The following ZFR variants were observed in gnomAD, a reference collection of about 807,000 sequenced individuals.
ZFR encodes the protein zinc finger RNA binding protein.
Under a neutral mutation model 130.7 loss-of-function variants are expected in ZFR, and 19 were observed. The observed-to-expected ratio is 0.15, with a 90% CI of 0.10 to 0.21. The LOEUF (loss-of-function observed/expected upper bound fraction) is 0.21. ZFR is among the 10% of genes least tolerant of loss of function. The probability of loss-of-function intolerance (pLI) is 1.00; values close to 1 mark genes in which losing one functional copy is unlikely to be tolerated. For synonymous variants in ZFR, 466 were observed against 456.9 expected, an observed-to-expected ratio of 1.02 and a Z score of -0.25; for missense variants, 872 against 1,321.5, an observed-to-expected ratio of 0.66 and a Z score of 5.27.
intron 14 of ZFR, among the ~76,000 whole-genome samples, chr5:32,386,026 T>G (rs1215344776): frequency 6.6e-6 from 1 of 152,132 alleles, no homozygotes; most frequent in Non-Finnish European, 1.5e-5. Context: ...TCCCATATTG[T>G]ACATTTTCTG....
chr5:32,377,686 T>C (rs1399242695), intron 17 of ZFR, among the ~76,000 whole-genome samples: 1 of 151,846 alleles, frequency 6.6e-6, no homozygotes, highest in East Asian at 1.9e-4. Context: ...AAAAATTAGA[T>C]AGCATATATA....
At chr5:32,433,320 T>G (rs758466841) in intron 2 of ZFR, among the ~76,000 whole-genome samples, 2 of 152,186 alleles carry the variant, frequency 1.3e-5, no homozygotes, top group Non-Finnish European at 2.9e-5. Context: ...AGAATTACAG[T>G]AATTAAAAAA....
chr5:32,366,172 G>C (rs1000880815), intron 17 of ZFR, among the ~76,000 whole-genome samples: 9 of 152,120 alleles, frequency 5.9e-5, no homozygotes, highest in African/African-American at 2.2e-4. Context: ...GAATAATCCT[G>C]ACAATTCAGT....
At chr5:32,413,738 A>T (rs1426782105) in intron 5 of ZFR, among the ~76,000 whole-genome samples, 1 of 152,232 alleles carries the variant, frequency 6.6e-6, no homozygotes, top group African/African-American at 2.4e-5. Flanking sequence ...TAGCTAGTCA[A>T]CCAAATAGGG....
intron 19 of ZFR, among the ~76,000 whole-genome samples, chr5:32,361,951 G>A (rs1479734349): frequency 6.6e-6 from 1 of 152,064 alleles, no homozygotes; most frequent in Non-Finnish European, 1.5e-5. Context: ...CTAAATGAAG[G>A]AATACTCCAG....
intron 16 of ZFR, chr5:32,379,778 T>C (rs979511813): frequency 7.9e-6 from 2 of 254,108 alleles, no homozygotes; most frequent in African/African-American, 4.4e-5. Context: ...ATAATATATA[T>C]ACACAAACAT....
intron 2 of ZFR, among the ~76,000 whole-genome samples, chr5:32,442,854 T>C (rs1379167887): frequency 6.6e-6 from 1 of 152,012 alleles, no homozygotes. Context: ...CAGCATCTCA[T>C]TTTACAGATG....
Position 32,355,480 on chromosome 5 carries a change from A to AG in ZFR, c.*279dup, listed in dbSNP as rs556576887. 5.1e-4 allele frequency: 114 copies of AG among 224,886 alleles called. No individual in the cohort carries two copies. Among genetic ancestry groups the AG allele is most frequent in the African/African-American group, 1.0e-3 (46 of 44,142 alleles). 13.9% of individuals were successfully genotyped at this position (224,886 alleles called of 1,614,324 possible). ...ACTAGTTAATAAAAGACACAAAAATAGGGGGGGAAGCTAGGGCAACCAGAA... is the reference window on the plus strand; with the variant it reads ...ACTAGTTAATAAAAGACACAAAAATAGGGGGGGGAAGCTAGGGCAACCAGAA... On this transcript the variant is annotated 3_prime_UTR_variant, in exon 20 of 20. Coordinates refer to ENST00000265069, the MANE Select transcript of ZFR (RefSeq NM_016107.5).
intron 2 of ZFR, among the ~76,000 whole-genome samples, chr5:32,435,988 C>G (rs1216805857): frequency 6.6e-6 from 1 of 152,120 alleles, no homozygotes; most frequent in African/African-American, 2.4e-5. Flanking sequence ...AACTTGATAA[C>G]TGTACTAAAT....
At chr5:32,365,246 A>G (rs976522240) in intron 17 of ZFR, among the ~76,000 whole-genome samples, 8 of 152,246 alleles carry the variant, frequency 5.3e-5, no homozygotes, top group Non-Finnish European at 1.2e-4. Flanking sequence ...GATGATAATG[A>G]AAGCTGAAAA....
At chr5:32,370,534 A>T (rs1752648760) in intron 17 of ZFR, among the ~76,000 whole-genome samples, 1 of 152,102 alleles carries the variant, frequency 6.6e-6, no homozygotes, top group East Asian at 1.9e-4. Flanking sequence ...CATCTCATCC[A>T]GCTAATTTTT....
At chr5:32,419,782 C>A (rs1753911541) in intron 3 of ZFR, 39 bp downstream of exon 3, 2 of 1,542,772 alleles carry the variant, frequency 1.3e-6, no homozygotes, top group East Asian at 2.3e-5. Flanking sequence ...GACAAAGAAA[C>A]CCGCACATTC....
intron 10 of ZFR, among the ~76,000 whole-genome samples, chr5:32,396,394 C>A (rs1455617016): frequency 2.6e-5 from 4 of 151,968 alleles, no homozygotes; most frequent in African/African-American, 9.7e-5. Flanking sequence ...TCACCTCCTC[C>A]GTGTTTAAAA....
intron 5 of ZFR, among the ~76,000 whole-genome samples, chr5:32,413,329 T>C (rs1581705096): frequency 6.6e-6 from 1 of 152,062 alleles, no homozygotes; most frequent in South Asian, 2.1e-4. Flanking sequence ...ACAGTAACAA[T>C]AAAGCAGTTT....
At chr5:32,393,031 A>G (rs1314422942) in intron 11 of ZFR, among the ~76,000 whole-genome samples, 2 of 152,136 alleles carry the variant, frequency 1.3e-5, no homozygotes, top group East Asian at 3.8e-4. Flanking sequence ...TACTAAAGAC[A>G]CTTACTTGCT....
intron 2 of ZFR, among the ~76,000 whole-genome samples, chr5:32,435,985 T>C (rs1754323146): frequency 6.6e-6 from 1 of 152,174 alleles, no homozygotes; most frequent in African/African-American, 2.4e-5. Context: ...AGTAACTTGA[T>C]AACTGTACTA....
chr5:32,395,351 T>A, intron 10 of ZFR, 47 bp from the exon 11 acceptor site: 1 of 1,363,880 alleles, frequency 7.3e-7, no homozygotes. Flanking sequence ...CCCAAAACAA[T>A]CTACATGTAT....
chr5:32,397,920 C>T (rs1321252082), intron 9 of ZFR, among the ~76,000 whole-genome samples: 2 of 114,036 alleles, frequency 1.8e-5, no homozygotes, highest in African/African-American at 6.8e-5. Context: ...TGCAGTGGTG[C>T]GATCTCGGCT....
At chr5:32,359,174 C>T (rs1413671437) in intron 19 of ZFR, among the ~76,000 whole-genome samples, 4 of 151,766 alleles carry the variant, frequency 2.6e-5, no homozygotes, top group African/African-American at 7.3e-5. Flanking sequence ...ACAGTGAAAC[C>T]GTCTCAAAAA....
Sources: allele counts gnomAD v4.1 joint callset (sites outside exome capture counted in the v4.1 genomes callset), GRCh38; gene constraint gnomAD v4.1.1; transcripts MANE v1.5; gene names NCBI Gene and HGNC (gene_info 2026-07-23, HGNC 2026-07-21).